The following SYK variants were observed in gnomAD, a reference collection of about 807,000 sequenced individuals.
SYK encodes the protein tyrosine-protein kinase SYK.
A neutral mutation model predicts 77.8 loss-of-function variants in SYK; 16 were observed. The observed-to-expected ratio is 0.21, with a 90% CI of 0.14 to 0.31. The LOEUF is 0.31. Ranked by LOEUF, SYK falls within the 10% of genes least tolerant of loss-of-function variation. The probability of loss-of-function intolerance (pLI) is 1.00; values close to 1 mark genes in which losing one functional copy is unlikely to be tolerated. For missense variants in SYK, 529 were observed against 814.4 expected, an observed-to-expected ratio of 0.65 and a Z score of 4.26; for synonymous variants, 312 against 308.7, an observed-to-expected ratio of 1.01 and a Z score of -0.11.
At chr9:90,849,186 C>G (rs1038354534) in intron 3 of SYK, among the ~76,000 whole-genome samples, 3 of 152,184 alleles carry the variant, frequency 2.0e-5, no homozygotes, top group African/African-American at 7.2e-5. Context: ...TGCCTGGCTG[C>G]CACATCATCG....
intron 13 of SYK, 114 bp downstream of exon 13, chr9:90,888,741 G>C: frequency 1.2e-6 from 1 of 817,792 alleles, no homozygotes; most frequent in South Asian, 2.2e-5. Context: ...GAATGTGCCC[G>C]CTTTCTAAAC....
chr9:90,828,146 C>T (rs931326598), intron 1 of SYK, among the ~76,000 whole-genome samples: 16 of 150,002 alleles, frequency 1.1e-4, no homozygotes, highest in African/African-American at 2.0e-4. Context: ...AGCCTGAAAG[C>T]GGGAAACTTC....
At chr9:90,890,062 A>G (rs1391603783) in intron 13 of SYK, among the ~76,000 whole-genome samples, 2 of 152,156 alleles carry the variant, frequency 1.3e-5, no homozygotes, top group Non-Finnish European at 2.9e-5. Context: ...TTAAAAATGA[A>G]CTCGCAGTGG....
chr9:90,816,713 C>A (rs1044894813), intron 1 of SYK, among the ~76,000 whole-genome samples: 2 of 152,194 alleles, frequency 1.3e-5, no homozygotes, highest in Non-Finnish European at 2.9e-5. Flanking sequence ...ACTCCCCAGC[C>A]CCTGGTAACC....
intron 1 of SYK, among the ~76,000 whole-genome samples, chr9:90,825,788 T>C (rs1368517979): frequency 1.3e-5 from 2 of 152,122 alleles, no homozygotes; most frequent in African/African-American, 2.4e-5. Context: ...TGGAGACAAG[T>C]AGGCATGTGT....
chr9:90,832,962 A>G (rs1825946120), intron 1 of SYK, among the ~76,000 whole-genome samples: 1 of 152,224 alleles, frequency 6.6e-6, no homozygotes. Context: ...TACTATTCCA[A>G]GGTGGCTGCT....
intron 1 of SYK, among the ~76,000 whole-genome samples, chr9:90,814,362 A>G (rs575845450): frequency 6.6e-6 from 1 of 152,336 alleles, no homozygotes; most frequent in East Asian, 1.9e-4. Flanking sequence ...TGACCGCTCA[A>G]TTACTTAAAA....
In SYK at chr9:90,811,907, C is replaced by G. The variant is rs143672153; in HGVS notation, c.-42+10014C>G. Among the ~76,000 whole-genome samples, 110 of 137,094 alleles carry G rather than the reference C, an allele frequency of 8.0e-4. 3 individuals are homozygous for G. The East Asian group carries it at 0.022, about 27-fold the overall frequency. The allele number at this position is 137,094 out of a possible 152,430, so 89.9% of individuals were successfully genotyped here. ...TGCCACTGCACACCAGCCTGGGTGA[C>G]AGAGCAAGACCCTGTCTCAAAAATA... On this transcript the variant is annotated intron_variant, in intron 1 of 13. Coordinates refer to ENST00000375754, the MANE Select transcript of SYK (RefSeq NM_003177.7).
Position 90,895,850 on chromosome 9 carries a change from T to C in SYK, c.*250T>C. 2.0e-6 allele frequency: 1 copy of C among 500,150 alleles called. No individual in the cohort carries two copies. Among genetic ancestry groups the C allele is most frequent in the Non-Finnish European group, 3.6e-6 (1 of 274,444 alleles). 31.0% of individuals were successfully genotyped at this position (500,150 alleles called of 1,614,324 possible). A position where few individuals can be genotyped will look rare whatever the true frequency, so the allele number is the denominator to read the frequency against. ...CTGGATTTGTTTGTTTTCTTGTCTGTGTGATTTTCATACAGGTTATTTTTA... is the reference window on the plus strand; with the variant it reads ...CTGGATTTGTTTGTTTTCTTGTCTGCGTGATTTTCATACAGGTTATTTTTA... On this transcript the variant is annotated 3_prime_UTR_variant, in exon 14 of 14. Transcript: ENST00000375754. The surrounding 1 kb of genome is among the most constrained non-coding windows in gnomAD (Gnocchi z 4.4).
intron 1 of SYK, 113 bp from the exon 2 acceptor site, chr9:90,843,745 T>C: frequency 1.3e-6 from 1 of 745,394 alleles, no homozygotes; most frequent in Non-Finnish European, 2.0e-6. Context: ...GGAAGTGCCT[T>C]TGTTCAGAGA....
At chr9:90,887,406 T>TTTG (rs5899111) in intron 11 of SYK, among the ~76,000 whole-genome samples, 1 of 21,666 alleles carries the variant, frequency 4.6e-5, no homozygotes, top group Non-Finnish European at 1.1e-4. Context: ...TCTTTCTTTC[T>TTTG]TTTTTTTTTT....
intron 1 of SYK, among the ~76,000 whole-genome samples, chr9:90,836,117 T>C (rs1212448158): frequency 6.6e-6 from 1 of 151,860 alleles, no homozygotes; most frequent in East Asian, 1.9e-4. Flanking sequence ...TGAAACCCCG[T>C]CTCTACTAAA....
At chr9:90,807,513 G>A (rs4002566) in intron 1 of SYK, among the ~76,000 whole-genome samples, 2,984 of 148,936 alleles carry the variant, frequency 0.02, 111 homozygotes, top group East Asian at 0.17. Context: ...AATGGAGACC[G>A]TGCCTGCAGT....
chr9:90,862,219 G>A lies in SYK; in HGVS notation c.592G>A (p.Asp198Asn). ...CCTCTCTTCTAGGATCCGAGCCAGAGACAACAACGGCTCCTACGCCCTGTG... is the reference window on the plus strand; with the variant it reads ...CCTCTCTTCTAGGATCCGAGCCAGAAACAACAACGGCTCCTACGCCCTGTG... The part of the protein sequence containing the change: ...TNGKFLIRAR[D>N]NNGSYALCLL... The change falls in exon 4 of 14, where the codon GAC (aspartate) becomes AAC (asparagine). Residue 198 changes from aspartate (D) to asparagine (N), a missense_variant. This residue lies in a region of SYK where 321 missense variants were observed against 433.1 expected (regional missense o/e 0.74). Coordinates refer to ENST00000375754, the MANE Select transcript of SYK (RefSeq NM_003177.7). 1 of 1,612,740 alleles carries A rather than the reference G, an allele frequency of 6.2e-7. No individual in the cohort carries two copies. Among genetic ancestry groups the A allele is most frequent in the Admixed American group, 1.7e-5 (1 of 59,924 alleles).
intron 1 of SYK, among the ~76,000 whole-genome samples, chr9:90,804,955 G>GTT (rs5899105): frequency 0.4 from 60,630 of 151,008 alleles, 13,218 homozygotes; most frequent in East Asian, 0.61. Flanking sequence ...TCAATTTGAG[G>GTT]TTTTTTTTTC....
At chr9:90,867,502 A>G (rs1827553146) in intron 7 of SYK, among the ~76,000 whole-genome samples, 1 of 152,176 alleles carries the variant, frequency 6.6e-6, no homozygotes, top group African/African-American at 2.4e-5. Flanking sequence ...GCTAATTATC[A>G]TGTCCGAAAA....
chr9:90,893,747 G>T (rs1312968606), intron 13 of SYK, among the ~76,000 whole-genome samples: 5 of 152,216 alleles, frequency 3.3e-5, no homozygotes, highest in Non-Finnish European at 7.3e-5. Flanking sequence ...TCCAGCAGGG[G>T]CTCCAGATAG....
intron 2 of SYK, among the ~76,000 whole-genome samples, chr9:90,844,718 T>C (rs762526568): frequency 3.3e-5 from 5 of 152,260 alleles, no homozygotes; most frequent in Admixed American, 6.5e-5. Context: ...AACACTCATA[T>C]AGTTGCATCA....
At chr9:90,818,083 G>A (rs1221918515) in intron 1 of SYK, among the ~76,000 whole-genome samples, 2 of 152,130 alleles carry the variant, frequency 1.3e-5, no homozygotes, top group Non-Finnish European at 2.9e-5. Context: ...CCCACTAAGG[G>A]TCTTCATGAT....
Sources: gnomAD v4.1 joint callset for allele counts (sites outside exome capture counted in the v4.1 genomes callset) on GRCh38, gnomAD v4.1.1 for gene constraint, gnomAD v4.1.1 regional missense constraint, Gnocchi (gnomAD v3.1) non-coding constraint, MANE v1.5 for transcripts, NCBI Gene and HGNC (gene_info 2026-07-23, HGNC 2026-07-21) for gene names.